NDE1: variants seen among roughly 807,000 people sequenced by gnomAD.
NDE1 encodes the protein nudE neurodevelopment protein 1, also known as nuclear distribution protein nudE homolog 1.
A neutral mutation model predicts 43.4 loss-of-function variants in NDE1; 28 were observed. That is an observed-to-expected ratio of 0.65 (90% CI 0.48 to 0.89). The LOEUF (loss-of-function observed/expected upper bound fraction) is 0.89, where lower values mean the gene tolerates loss of function less well. NDE1 is among the 40% of genes least tolerant of loss of function. The pLI, the probability that NDE1 is intolerant of heterozygous loss-of-function variation, is 0.00. For missense variants in NDE1, 441 were observed against 434.1 expected, an observed-to-expected ratio of 1.02 and a Z score of -0.14; for synonymous variants, 184 against 172.0, an observed-to-expected ratio of 1.07 and a Z score of -0.55.
chr16:15,723,438 G>A (rs961225475), intron 8 of NDE1, among the ~76,000 whole-genome samples: 4 of 152,196 alleles, frequency 2.6e-5, no homozygotes, highest in Non-Finnish European at 5.9e-5. Context: ...TGTGAGGCCA[G>A]GAGTTGGAGA....
At chr16:15,708,676 C>G (rs1260059971) in intron 8 of NDE1, 1 of 983,986 alleles carries the variant, frequency 1.0e-6, no homozygotes, top group African/African-American at 1.6e-5. Flanking sequence ...TCCAAGCCTC[C>G]AGATTTTGCA....
At chr16:15,661,367 C>A (rs1374945790) in intron 1 of NDE1, among the ~76,000 whole-genome samples, 2 of 152,178 alleles carry the variant, frequency 1.3e-5, no homozygotes, top group East Asian at 3.9e-4. Context: ...CCAGAATGGT[C>A]TTGATCTCCT....
chr16:15,697,799 T>G (rs1404965205), intron 8 of NDE1, among the ~76,000 whole-genome samples: 1 of 151,998 alleles, frequency 6.6e-6, no homozygotes, highest in East Asian at 1.9e-4. Context: ...CCTGAAGTTT[T>G]TTTTTTTGTT....
intron 1 of NDE1, among the ~76,000 whole-genome samples, chr16:15,655,057 T>C (rs1177360164): frequency 6.6e-6 from 1 of 152,078 alleles, no homozygotes; most frequent in Non-Finnish European, 1.5e-5. Context: ...CTTGCTCTTG[T>C]GCCCAGGCTG....
At position 15,725,134 on chromosome 16, in the gene NDE1, TAA is replaced by T. The variant is rs60544332; in HGVS notation, c.*897_*898del. 3.0e-3 allele frequency: 1,592 copies of T among 532,978 alleles called. No homozygotes were observed. The highest frequency in any genetic ancestry group is 4.7e-3 in the South Asian group (222 of 47,034). 33.0% of individuals were successfully genotyped at this position (532,978 alleles called of 1,614,324 possible). A position where few individuals can be genotyped will look rare whatever the true frequency, so the allele number is the denominator to read the frequency against. Reference sequence around the variant, plus strand: ...ATACCCGTGAGGTATGGGACTCTGATAAAAAAAAAAAAAAACACACACACACA... The same window carrying T: ...ATACCCGTGAGGTATGGGACTCTGATAAAAAAAAAAAAACACACACACACA... On this transcript the variant is annotated 3_prime_UTR_variant, in exon 9 of 9. Transcript: ENST00000396354.
chr16:15,647,920 C>G (rs117165050), upstream of NDE1, among the ~76,000 whole-genome samples: 1 of 151,676 alleles, frequency 6.6e-6, no homozygotes, highest in African/African-American at 2.4e-5. Context: ...GTGGTCCTAG[C>G]TACTCCGGAG....
chr16:15,654,803 G>A (rs1267878990), intron 1 of NDE1, among the ~76,000 whole-genome samples: 1 of 148,746 alleles, frequency 6.7e-6, no homozygotes, highest in Non-Finnish European at 1.5e-5. Context: ...CTGCTTCCAA[G>A]AAACAGAGTG....
At chr16:15,648,435 G>T (rs372102815), upstream of NDE1, among the ~76,000 whole-genome samples, 1 of 152,164 alleles carries the variant, frequency 6.6e-6, no homozygotes, top group Non-Finnish European at 1.5e-5. Flanking sequence ...ATGGTGGCTT[G>T]ATTTTATTTA....
intron 4 of NDE1, among the ~76,000 whole-genome samples, chr16:15,683,086 A>G (rs1250919795): frequency 6.6e-6 from 1 of 151,910 alleles, no homozygotes; most frequent in East Asian, 1.9e-4. Context: ...GATTCAAACA[A>G]TCTTCCCATC....
chr16:15,714,947 G>T, intron 8 of NDE1: 1 of 1,614,102 alleles, frequency 6.2e-7, no homozygotes, highest in South Asian at 1.1e-5. Context: ...CGCGGCCCAT[G>T]GCCTCGTTGC....
intron 8 of NDE1, chr16:15,721,611 G>C (rs1193164382): frequency 6.2e-7 from 1 of 1,614,194 alleles, no homozygotes; most frequent in East Asian, 2.2e-5. Context: ...ATTTGGAAGA[G>C]ATGTTTTTCT....
At chr16:15,694,466 T>G in intron 7 of NDE1, 3 of 1,332,432 alleles carry the variant, frequency 2.3e-6, no homozygotes, top group East Asian at 2.6e-5. Flanking sequence ...TCACCTTAGC[T>G]TCCCGAGGAG....
intron 8 of NDE1, among the ~76,000 whole-genome samples, chr16:15,709,835 C>G (rs1480206325): frequency 6.6e-6 from 1 of 152,176 alleles, no homozygotes; most frequent in Non-Finnish European, 1.5e-5. Flanking sequence ...GCTTTCGGGC[C>G]TCTAGCAAGA....
At chr16:15,718,802 TCA>T (rs1178188058) in intron 8 of NDE1, 2 of 413,706 alleles carry the variant, frequency 4.8e-6, no homozygotes, top group East Asian at 1.0e-4. Flanking sequence ...GTCCCCAATC[TCA>T]GAGGACGCTT....
rs368662836 is a variant in NDE1 at position 15,696,152 on chromosome 16, T to C, written c.796-557T>C. Among the ~76,000 whole-genome samples the C allele has an allele frequency of 1.5e-3, 211 of 144,442 alleles. 2 individuals carry two copies. The South Asian group carries it at 0.046, about 31-fold the overall frequency. 94.8% of individuals were successfully genotyped at this position (144,442 alleles called of 152,430 possible). A position where few individuals can be genotyped will look rare whatever the true frequency, so the allele number is the denominator to read the frequency against. ...AGGCTGCAGTGAGCCGTGATCTTTT[T>C]CCAGGCAGCTCCCAAACATTTTAAA... On this transcript the variant is annotated intron_variant, in intron 7 of 8. Transcript: ENST00000396354.
chr16:15,687,107 G>C (rs778899452), intron 4 of NDE1: 11 of 1,330,302 alleles, frequency 8.3e-6, no homozygotes, highest in Middle Eastern at 2.2e-4. Flanking sequence ...TAGGGCTTTG[G>C]CTTATTGCTG....
In NDE1 at chr16:15,718,296, G is replaced by A. The variant is rs1342948286; in HGVS notation, c.948-5895G>A. The stretch of plus-strand genomic sequence containing the variant: ...AGAGACAGTAGGCAGCGTGACTGTG[G>A]TGTCCAGGCGGCCCTCACCTGCTGT... On this transcript the variant is annotated intron_variant, in intron 8 of 8. Coordinates refer to ENST00000396354, the MANE Select transcript of NDE1 (RefSeq NM_017668.3). 1.9e-6 allele frequency: 3 copies of A among 1,607,534 alleles called. No homozygotes were observed. The highest frequency in any genetic ancestry group is 1.7e-5 in the Admixed American group (1 of 59,984).
intron 5 of NDE1, among the ~76,000 whole-genome samples, chr16:15,690,625 C>G (rs2038704184): frequency 6.6e-6 from 1 of 151,768 alleles, no homozygotes; most frequent in African/African-American, 2.4e-5. Flanking sequence ...AAATCTGAAA[C>G]CATTTTGTTA....
In NDE1 at chr16:15,671,768, G is replaced by A. The variant is rs1246371344; in HGVS notation, c.237+4329G>A. Among the ~76,000 whole-genome samples the A allele has an allele frequency of 5.9e-5, 9 of 152,196 alleles. No homozygotes were observed. The East Asian group carries it at 1.7e-3, about 29-fold the overall frequency. On this transcript the variant is annotated intron_variant, in intron 3 of 8. Transcript: ENST00000396354. ...TGCAGTGGTGTGATCTCAGCTCACT[G>A]CAACCTCTGACTTCCAGGCTTAAGT... is the stretch of plus-strand genomic sequence containing the variant.
Sources: allele counts gnomAD v4.1 joint callset (sites outside exome capture counted in the v4.1 genomes callset), GRCh38; gene constraint gnomAD v4.1.1; transcripts MANE v1.5; gene names NCBI Gene and HGNC (gene_info 2026-07-23, HGNC 2026-07-21).